The following KHDRBS2 variants were observed in gnomAD, a reference collection of about 807,000 sequenced individuals.
The protein encoded by KHDRBS2 is KH RNA binding domain containing, signal transduction associated 2, also known as KH domain-containing, RNA-binding, signal transduction-associated protein 2.
Under a neutral mutation model 44.3 loss-of-function variants are expected in KHDRBS2, and 26 were observed. The observed-to-expected ratio is 0.59, with a 90% CI of 0.43 to 0.81. The LOEUF (loss-of-function observed/expected upper bound fraction) is 0.81. Among genes scored for constraint, KHDRBS2 ranks in the 40% least tolerant of loss-of-function variants. The pLI, the probability that KHDRBS2 is intolerant of heterozygous loss-of-function variation, is 0.00. For synonymous variants in KHDRBS2, 194 were observed against 151.1 expected, an observed-to-expected ratio of 1.28 and a Z score of -2.08; for missense variants, 476 against 433.1, an observed-to-expected ratio of 1.10 and a Z score of -0.88.
intron 1 of KHDRBS2, among the ~76,000 whole-genome samples, chr6:62,213,649 C>T (rs578216540): frequency 6.1e-4 from 92 of 151,668 alleles, no homozygotes; most frequent in African/African-American, 2.1e-3. Flanking sequence ...CTGAGACGGT[C>T]GGATCACAAG....
chr6:61,728,879 T>G (rs1364279361), intron 7 of KHDRBS2, among the ~76,000 whole-genome samples: 1 of 152,152 alleles, frequency 6.6e-6, no homozygotes, highest in Non-Finnish European at 1.5e-5. Context: ...AGTGAAGGTT[T>G]GTTATTAGAT....
At chr6:62,147,842 A>G (rs6922243) in intron 2 of KHDRBS2, among the ~76,000 whole-genome samples, 92,325 of 151,710 alleles carry the variant, frequency 0.61, 28,289 homozygotes, top group Non-Finnish European at 0.62. Flanking sequence ...GCCTGAGAAG[A>G]TCAGATAGCC....
chr6:62,111,920 C>A (rs554818879), intron 2 of KHDRBS2, among the ~76,000 whole-genome samples: 2 of 152,012 alleles, frequency 1.3e-5, no homozygotes, highest in African/African-American at 4.8e-5. Flanking sequence ...TTGCTGGGCC[C>A]CAATCATGAA....
intron 4 of KHDRBS2, among the ~76,000 whole-genome samples, chr6:61,908,789 A>G (rs1805524760): frequency 6.6e-6 from 1 of 152,198 alleles, no homozygotes; most frequent in African/African-American, 2.4e-5. Flanking sequence ...TGTAAGTTAT[A>G]TCTAGGGATA....
intron 3 of KHDRBS2, among the ~76,000 whole-genome samples, chr6:61,992,555 C>T (rs1351735455): frequency 6.6e-6 from 1 of 152,016 alleles, no homozygotes; most frequent in South Asian, 2.1e-4. Flanking sequence ...ATATTTGGCT[C>T]CATGGGACCA....
At chr6:61,665,530 AAAT>A in the KHDRBS2 span, among the ~76,000 whole-genome samples, 1 of 151,352 alleles carries the variant, frequency 6.6e-6, no homozygotes, top group Non-Finnish European at 1.5e-5. Flanking sequence ...ATGTAGAAAA[AAAT>A]AAACTTTCAA....
chr6:62,164,316 T>C (rs1330473300), intron 2 of KHDRBS2, among the ~76,000 whole-genome samples: 3 of 151,944 alleles, frequency 2.0e-5, no homozygotes, highest in Non-Finnish European at 4.4e-5. Context: ...ATGTAAAAAC[T>C]ATAAGGTATT....
At chr6:61,594,165 C>A in the KHDRBS2 span, among the ~76,000 whole-genome samples, 1 of 151,950 alleles carries the variant, frequency 6.6e-6, no homozygotes, top group Admixed American at 6.5e-5. Flanking sequence ...CATCCAATTC[C>A]TGTAAGCTAC....
chr6:61,570,758 C>T, the KHDRBS2 span, among the ~76,000 whole-genome samples: 1 of 152,070 alleles, frequency 6.6e-6, no homozygotes, highest in South Asian at 2.1e-4. Context: ...GGATTGGGGT[C>T]CCATCTTTAG....
chr6:61,969,172 T>G (rs1186694133), intron 4 of KHDRBS2, among the ~76,000 whole-genome samples: 5 of 152,012 alleles, frequency 3.3e-5, no homozygotes, highest in South Asian at 4.1e-4. Context: ...ATAAAGAATT[T>G]TTGGATAACA....
chr6:61,719,777 A>G (rs1344579300), intron 7 of KHDRBS2, among the ~76,000 whole-genome samples: 1 of 151,342 alleles, frequency 6.6e-6, no homozygotes, highest in Non-Finnish European at 1.5e-5. Flanking sequence ...TTTTAAATTT[A>G]TTTATTTATT....
chr6:61,875,105 T>G (rs1326637005), intron 6 of KHDRBS2, among the ~76,000 whole-genome samples: 2 of 151,964 alleles, frequency 1.3e-5, no homozygotes, highest in Non-Finnish European at 2.9e-5. Flanking sequence ...GTAATGTGAA[T>G]TTTGATTTGG....
intron 6 of KHDRBS2, among the ~76,000 whole-genome samples, chr6:61,848,576 C>CATATATATATATGTATATATATATACAT (rs1794968486): frequency 2.0e-4 from 6 of 30,006 alleles, no homozygotes; most frequent in African/African-American, 8.5e-4. Flanking sequence ...TATATATATA[C>CATATATATATATGTATATATATATACAT]ATATATATAT....
chr6:61,561,755 T>C, the KHDRBS2 span, among the ~76,000 whole-genome samples: 286 of 152,290 alleles, frequency 1.9e-3, 1 homozygote, highest in Non-Finnish European at 2.9e-3. Flanking sequence ...TGGGCTCCTC[T>C]CTGGCCCAGG....
chr6:61,987,094 A>G (rs1179991074), intron 3 of KHDRBS2, among the ~76,000 whole-genome samples: 7 of 152,152 alleles, frequency 4.6e-5, no homozygotes, highest in Admixed American at 4.6e-4. Flanking sequence ...TGATGGCCAG[A>G]ATTAAAAATT....
the KHDRBS2 span, among the ~76,000 whole-genome samples, chr6:61,637,957 C>T: frequency 3.7e-4 from 56 of 151,956 alleles, no homozygotes; most frequent in East Asian, 9.1e-3. Context: ...GAGTAGGTTG[C>T]GAAAATTTTC....
intron 2 of KHDRBS2, among the ~76,000 whole-genome samples, chr6:62,170,686 AG>A (rs1370705919): frequency 2.0e-5 from 3 of 152,222 alleles, no homozygotes; most frequent in South Asian, 4.1e-4. Flanking sequence ...ACCCTGATGA[AG>A]TACTTTGGCT....
At chr6:61,857,981 T>C (rs1307144497) in intron 6 of KHDRBS2, among the ~76,000 whole-genome samples, 1 of 151,948 alleles carries the variant, frequency 6.6e-6, no homozygotes, top group South Asian at 2.1e-4. Context: ...AACACATATG[T>C]TATATTTGCA....
intron 3 of KHDRBS2, among the ~76,000 whole-genome samples, chr6:62,004,168 G>C (rs1359483990): frequency 1.3e-5 from 2 of 151,978 alleles, no homozygotes; most frequent in Non-Finnish European, 1.5e-5. Flanking sequence ...CAGAACTGAA[G>C]GAAATAGAGA....
Sources: gnomAD v4.1 joint callset for allele counts (sites outside exome capture counted in the v4.1 genomes callset) on GRCh38, gnomAD v4.1.1 for gene constraint, MANE v1.5 for transcripts, NCBI Gene and HGNC (gene_info 2026-07-23, HGNC 2026-07-21) for gene names.